GABRB2: variants seen among roughly 807,000 people sequenced by gnomAD.
GABRB2 encodes the protein gamma-aminobutyric acid type A receptor subunit beta2.
A neutral mutation model predicts 54.7 loss-of-function variants in GABRB2; 16 were observed. The ratio of observed to expected loss-of-function variants is 0.29; its 90% CI spans 0.20 to 0.44. The LOEUF is 0.44. Among genes scored for constraint, GABRB2 ranks in the 20% least tolerant of loss-of-function variants. GABRB2 has a pLI of 1.00. For missense variants in GABRB2, 355 were observed against 644.0 expected (o/e 0.55, Z 4.86); for synonymous variants, 244 against 233.8 (o/e 1.04, Z -0.40).
intron 9 of GABRB2, among the ~76,000 whole-genome samples, chr5:161,310,858 G>A (rs1387220440): frequency 2.0e-5 from 3 of 150,778 alleles, no homozygotes; most frequent in Admixed American, 1.3e-4. Flanking sequence ...CACCTCCCAA[G>A]TTCACGCCGT....
chr5:161,523,118 T>C (rs373007732), intron 3 of GABRB2, among the ~76,000 whole-genome samples: 2 of 151,558 alleles, frequency 1.3e-5, no homozygotes, highest in East Asian at 3.8e-4. Context: ...AGAAAAGTTA[T>C]GATTTAATAA....
intron 4 of GABRB2, among the ~76,000 whole-genome samples, chr5:161,414,788 A>T (rs1171604434): frequency 1.3e-5 from 2 of 151,908 alleles, no homozygotes; most frequent in African/African-American, 4.8e-5. Flanking sequence ...AAAGGGAGGG[A>T]TCAATAAACA....
intron 9 of GABRB2, among the ~76,000 whole-genome samples, chr5:161,304,940 G>A (rs1245372631): frequency 1.3e-5 from 2 of 151,228 alleles, no homozygotes; most frequent in Non-Finnish European, 2.9e-5. Context: ...AAAAGATTGG[G>A]ATCAGATTGA....
At chr5:161,340,017 G>A (rs151034914) in intron 5 of GABRB2, among the ~76,000 whole-genome samples, 1 of 151,920 alleles carries the variant, frequency 6.6e-6, no homozygotes, top group South Asian at 2.1e-4. Context: ...AAATGAAACA[G>A]TATTTCTTAT....
intron 3 of GABRB2, among the ~76,000 whole-genome samples, chr5:161,474,218 T>G (rs1315146731): frequency 1.3e-5 from 2 of 152,006 alleles, no homozygotes; most frequent in Non-Finnish European, 2.9e-5. Context: ...CTATAGCTTT[T>G]GAGAGGCAAA....
chr5:161,362,697 C>G (rs182188269), intron 5 of GABRB2, among the ~76,000 whole-genome samples: 11 of 152,064 alleles, frequency 7.2e-5, no homozygotes, highest in Non-Finnish European at 1.6e-4. Flanking sequence ...AAAAACAACC[C>G]CATCAAAAGG....
intron 3 of GABRB2, among the ~76,000 whole-genome samples, chr5:161,539,243 A>T (rs1015107073): frequency 3.3e-5 from 5 of 152,198 alleles, no homozygotes; most frequent in African/African-American, 1.2e-4. Context: ...TAACAAAAAG[A>T]TTCCTGCCAA....
intron 4 of GABRB2, among the ~76,000 whole-genome samples, chr5:161,429,074 T>C (rs10475696): frequency 0.24 from 36,946 of 151,242 alleles, 5,256 homozygotes; most frequent in African/African-American, 0.39. Flanking sequence ...TGGCCAGGCA[T>C]GGTGGCTCAC....
intron 3 of GABRB2, among the ~76,000 whole-genome samples, chr5:161,470,885 C>T (rs892158641): frequency 2.0e-5 from 3 of 151,904 alleles, no homozygotes; most frequent in South Asian, 2.1e-4. Flanking sequence ...GTGATCCAGG[C>T]GTCTTATCTT....
chr5:161,439,466 A>G (rs938373379), intron 4 of GABRB2, among the ~76,000 whole-genome samples: 4 of 152,140 alleles, frequency 2.6e-5, no homozygotes, highest in Non-Finnish European at 5.9e-5. Context: ...GGTAAAAAAA[A>G]CTCACTGATA....
At chr5:161,430,331 T>G (rs1757140977) in intron 4 of GABRB2, among the ~76,000 whole-genome samples, 1 of 152,190 alleles carries the variant, frequency 6.6e-6, no homozygotes, top group African/African-American at 2.4e-5. Context: ...TCTTTGAATT[T>G]TAGATTATTT....
Position 161,488,089 on chromosome 5 carries a change from G to A in GABRB2, c.238-28245C>T, listed in dbSNP as rs189870628. ...GAATGGGATAAACAAATCAATCATT[G>A]TTCCTCCTCTATGGCTTTGTCTTTT... is the stretch of plus-strand genomic sequence containing the variant. On this transcript the variant is annotated intron_variant, in intron 3 of 9. Coordinates refer to ENST00000393959, the MANE Select transcript of GABRB2 (RefSeq NM_001371727.1). Among the ~76,000 whole-genome samples, 46 of 151,912 alleles carry A rather than the reference G, an allele frequency of 3.0e-4. 1 individual carries two copies. The highest frequency in any genetic ancestry group is 3.4e-3 in the Middle Eastern group (1 of 294).
At chr5:161,317,366 G>A (rs777296237) in intron 9 of GABRB2, among the ~76,000 whole-genome samples, 4 of 152,214 alleles carry the variant, frequency 2.6e-5, no homozygotes, top group Middle Eastern at 3.4e-3. Context: ...AAAAGCAGAA[G>A]TGCCCCTACC....
chr5:161,506,333 T>C (rs1267933792), intron 3 of GABRB2, among the ~76,000 whole-genome samples: 1 of 152,102 alleles, frequency 6.6e-6, no homozygotes, highest in African/African-American at 2.4e-5. Flanking sequence ...ATAAACTCAG[T>C]GCAAATAAGG....
intron 6 of GABRB2, 144 bp downstream of exon 6, chr5:161,336,488 A>T (rs1753996852): frequency 1.1e-6 from 1 of 945,728 alleles, no homozygotes; most frequent in South Asian, 1.7e-5. Flanking sequence ...AGAACAATAG[A>T]CTTCATGGGA....
chr5:161,293,200 G>A lies in GABRB2; in HGVS notation c.*881C>T, dbSNP rs964052370. The A allele has an allele frequency of 6.6e-6, 1 of 152,090 alleles. No individual in the cohort carries two copies. Among genetic ancestry groups the A allele is most frequent in the Non-Finnish European group, 1.5e-5 (1 of 68,006 alleles). The allele number at this position is 152,090 out of a possible 1,614,324, so 9.4% of individuals were successfully genotyped here. A position where few individuals can be genotyped will look rare whatever the true frequency, so the allele number is the denominator to read the frequency against. On this transcript the variant is annotated 3_prime_UTR_variant, in exon 10 of 10. Transcript: ENST00000393959. ...TATGCTGTCAAAAGCTAGTGATGTTGGAAAAACAATCTCTCTTACTCACCC... is the reference window on the plus strand; with the variant it reads ...TATGCTGTCAAAAGCTAGTGATGTTAGAAAAACAATCTCTCTTACTCACCC...
chr5:161,303,416 G>T (rs1757593885), intron 9 of GABRB2, among the ~76,000 whole-genome samples: 2 of 152,200 alleles, frequency 1.3e-5, no homozygotes, highest in East Asian at 1.9e-4. Context: ...CTTTGTTAAA[G>T]AATCAAATTA....
chr5:161,487,586 C>A (rs1758966153), intron 3 of GABRB2, among the ~76,000 whole-genome samples: 1 of 151,924 alleles, frequency 6.6e-6, no homozygotes, highest in South Asian at 2.1e-4. Context: ...CAAGCCCATG[C>A]ATGGGTTTGG....
chr5:161,408,488 CA>C (rs1452538963), intron 5 of GABRB2, among the ~76,000 whole-genome samples: 1 of 151,976 alleles, frequency 6.6e-6, no homozygotes, highest in Non-Finnish European at 1.5e-5. Context: ...ATTTAATGAA[CA>C]AATACATTCC....
Sources: allele counts gnomAD v4.1 joint callset (sites outside exome capture counted in the v4.1 genomes callset), GRCh38; gene constraint gnomAD v4.1.1; transcripts MANE v1.5; gene names NCBI Gene and HGNC (gene_info 2026-07-23, HGNC 2026-07-21).